The following GNA12 variants were observed in gnomAD, a reference collection of about 807,000 sequenced individuals.
GNA12 encodes G protein subunit alpha 12, also known as guanine nucleotide-binding protein subunit alpha-12.
GNA12 carries 9 observed loss-of-function variants against 26.0 expected under a neutral mutation model. The observed-to-expected ratio is 0.35, with a 90% CI of 0.21 to 0.60. The LOEUF (loss-of-function observed/expected upper bound fraction) is 0.60. Ranked by LOEUF, GNA12 falls within the 20% of genes least tolerant of loss-of-function variation. GNA12 has a pLI of 0.78. For synonymous variants in GNA12, 264 were observed against 219.6 expected (o/e 1.20, Z -1.79); for missense variants, 405 against 525.8 (o/e 0.77, Z 2.25).
intron 2 of GNA12, among the ~76,000 whole-genome samples, chr7:2,744,662 G>C (rs974254338): frequency 6.6e-6 from 1 of 152,176 alleles, no homozygotes; most frequent in African/African-American, 2.4e-5. Flanking sequence ...GAACAAAGCT[G>C]GATGGACAAT....
intron 1 of GNA12, among the ~76,000 whole-genome samples, chr7:2,828,756 T>A (rs570792403): frequency 6.6e-6 from 1 of 152,192 alleles, no homozygotes; most frequent in Non-Finnish European, 1.5e-5. Flanking sequence ...GATATACCCA[T>A]ATGAAAATGG....
chr7:2,832,013 C>T (rs976218257), intron 1 of GNA12, among the ~76,000 whole-genome samples: 3 of 152,140 alleles, frequency 2.0e-5, no homozygotes, highest in African/African-American at 4.8e-5. Flanking sequence ...ATTTGCATCC[C>T]GTGGAGTTGT....
intron 2 of GNA12, among the ~76,000 whole-genome samples, chr7:2,751,062 C>T (rs1791010440): frequency 6.6e-6 from 1 of 152,142 alleles, no homozygotes; most frequent in Non-Finnish European, 1.5e-5. Context: ...GTTGCCACTA[C>T]AGCATTTCGG....
intron 2 of GNA12, among the ~76,000 whole-genome samples, chr7:2,755,499 T>A (rs575652928): frequency 7.2e-5 from 11 of 152,374 alleles, no homozygotes; most frequent in African/African-American, 2.6e-4. Flanking sequence ...ATTTTTAAAA[T>A]GACTGTTAAT....
At chr7:2,843,808 C>T in intron 1 of GNA12, 45 bp downstream of exon 1, 1 of 1,202,262 alleles carries the variant, frequency 8.3e-7, no homozygotes, top group Non-Finnish European at 1.1e-6. Flanking sequence ...GGGTTAGCGC[C>T]CCGGCCCACC....
chr7:2,762,394 C>A (rs527495561), intron 2 of GNA12: 6 of 453,424 alleles, frequency 1.3e-5, no homozygotes, highest in African/African-American at 8.1e-5. Flanking sequence ...ACTTTCCTCA[C>A]TGAGGAAACC....
chr7:2,818,645 C>T (rs1386350574), intron 1 of GNA12, among the ~76,000 whole-genome samples: 2 of 152,026 alleles, frequency 1.3e-5, no homozygotes, highest in South Asian at 4.1e-4. Context: ...GCCCTGTAGT[C>T]CCAGCTCCTC....
At chr7:2,778,604 G>A (rs993685776) in intron 2 of GNA12, among the ~76,000 whole-genome samples, 5 of 152,200 alleles carry the variant, frequency 3.3e-5, no homozygotes, top group South Asian at 2.1e-4. Flanking sequence ...GAAGAAAATC[G>A]TTCCTCCTAT....
chr7:2,831,688 C>A (rs1003341151), intron 1 of GNA12, among the ~76,000 whole-genome samples: 3 of 152,020 alleles, frequency 2.0e-5, no homozygotes, highest in Non-Finnish European at 2.9e-5. Context: ...CAGGCATGAA[C>A]CACCGCGCCC....
chr7:2,737,436 G>A (rs1740887474), intron 2 of GNA12, among the ~76,000 whole-genome samples: 1 of 151,850 alleles, frequency 6.6e-6, no homozygotes, highest in Admixed American at 6.6e-5. Context: ...CTACAGGCGT[G>A]CACTACCACA....
At chr7:2,805,274 T>C (rs1161352000) in intron 1 of GNA12, among the ~76,000 whole-genome samples, 1 of 152,278 alleles carries the variant, frequency 6.6e-6, no homozygotes, top group Non-Finnish European at 1.5e-5. Flanking sequence ...AAGTACTCAC[T>C]GTCCATTAGC....
At chr7:2,752,062 C>G (rs1791067645) in intron 2 of GNA12, among the ~76,000 whole-genome samples, 3 of 152,118 alleles carry the variant, frequency 2.0e-5, no homozygotes, top group South Asian at 4.1e-4. Context: ...AAATTACAGA[C>G]CAACTCTCCC....
chr7:2,777,716 C>A (rs1792114236), intron 2 of GNA12, among the ~76,000 whole-genome samples: 1 of 152,132 alleles, frequency 6.6e-6, no homozygotes, highest in African/African-American at 2.4e-5. Context: ...GGGTTCACAG[C>A]CTCTGAACTG....
At chr7:2,809,370 T>A (rs931747049) in intron 1 of GNA12, among the ~76,000 whole-genome samples, 1 of 152,218 alleles carries the variant, frequency 6.6e-6, no homozygotes, top group Non-Finnish European at 1.5e-5. Flanking sequence ...TATTAGATAG[T>A]CATTAGATCT....
intron 1 of GNA12, among the ~76,000 whole-genome samples, chr7:2,839,468 A>G (rs1034423300): frequency 3.3e-5 from 5 of 152,074 alleles, no homozygotes; most frequent in African/African-American, 1.2e-4. Flanking sequence ...ACTGCAACCT[A>G]TGCCTCCTAG....
chr7:2,746,277 A>G (rs1273690097), intron 2 of GNA12, among the ~76,000 whole-genome samples: 2 of 152,232 alleles, frequency 1.3e-5, no homozygotes, highest in Non-Finnish European at 2.9e-5. Flanking sequence ...TTGGAAGTAA[A>G]GCACTCCTCA....
intron 2 of GNA12, among the ~76,000 whole-genome samples, chr7:2,770,422 G>C (rs1358000432): frequency 6.6e-6 from 1 of 152,186 alleles, no homozygotes; most frequent in Non-Finnish European, 1.5e-5. Context: ...AGCTAGGCTT[G>C]TGACAGGGCA....
chr7:2,801,342 G>A (rs978218434), intron 1 of GNA12, among the ~76,000 whole-genome samples: 8 of 152,214 alleles, frequency 5.3e-5, no homozygotes, highest in African/African-American at 1.9e-4. Flanking sequence ...TCATTTTTAT[G>A]TCAAAGACGA....
chr7:2,775,622 C>T (rs1042937516), intron 2 of GNA12: 2 of 152,226 alleles, frequency 1.3e-5, no homozygotes, highest in African/African-American at 2.4e-5. Flanking sequence ...GGATACTAAA[C>T]GCCTGTGTCC....
Sources: gnomAD v4.1 joint callset for allele counts (sites outside exome capture counted in the v4.1 genomes callset) on GRCh38, gnomAD v4.1.1 for gene constraint, MANE v1.5 for transcripts, NCBI Gene and HGNC (gene_info 2026-07-23, HGNC 2026-07-21) for gene names.